CASP1: variants seen among roughly 807,000 people sequenced by gnomAD.
CASP1 encodes caspase 1.
CASP1 carries 31 observed loss-of-function variants against 41.2 expected under a neutral mutation model. The ratio of observed to expected loss-of-function variants is 0.75; its 90% confidence interval spans 0.57 to 1.02. The LOEUF is 1.02. CASP1 is among the 50% of genes least tolerant of loss of function. The pLI is 0.00. For synonymous variants in CASP1, 163 were observed against 166.5 expected (o/e 0.98, Z 0.16); for missense variants, 490 against 495.7 (o/e 0.99, Z 0.11).
intron 6 of CASP1, 63 bp from the exon 7 acceptor site, chr11:105,029,330 C>A: frequency 7.0e-7 from 1 of 1,420,042 alleles, no homozygotes; most frequent in Non-Finnish European, 9.7e-7. Flanking sequence ...TTCCTCCTAG[C>A]CTCTGTTCAA....
At position 105,025,699 on chromosome 11, in the gene CASP1, A is replaced by G. The variant is rs997286634; in HGVS notation, c.*559T>C. On this transcript the variant is annotated 3_prime_UTR_variant, in exon 9 of 9. Transcript: ENST00000533400. ...TATACCACCAATGGGAACATACACA[A>G]TTTTAAAAGGAAAGACCACATGCTA... is the stretch of plus-strand genomic sequence containing the variant. The G allele has an allele frequency of 6.3e-5, 21 of 335,500 alleles. No individual in the cohort carries two copies. The highest frequency in any genetic ancestry group is 4.7e-4 in the African/African-American group (21 of 45,124). 20.8% of individuals were successfully genotyped at this position (335,500 alleles called of 1,614,324 possible).
At chr11:105,027,034 G>A in intron 7 of CASP1, 83 bp from the exon 8 acceptor site, 1 of 814,078 alleles carries the variant, frequency 1.2e-6, no homozygotes, top group South Asian at 1.4e-5. Flanking sequence ...TACTCCAGCT[G>A]AGGGATGTTT....
rs753843714 is a variant in CASP1 at position 105,029,671 on chromosome 11, G to A, written c.856C>T (p.Arg286Cys). 2 of 1,611,524 alleles carry A rather than the reference G, an allele frequency of 1.2e-6. No individual in the cohort carries two copies. Among genetic ancestry groups the A allele is most frequent in the Admixed American group, 1.7e-5 (1 of 59,890 alleles). ...CAAAGGCATCAGCACTCACCACCAC[G>A]GCAGGCCTGGATGATGATCACCTTC... ...KPKVIIIQAC[R>C]GDSPGVVWFK... The change falls in exon 6 of 9, where the codon CGT (arginine) becomes TGT (cysteine). Residue 286 changes from arginine to cysteine, a missense_variant. Physicochemically the swap from Arg to Cys is radical, Grantham distance 180. Transcript: ENST00000533400.
chr11:105,026,572 T>C, intron 8 of CASP1: 2 of 601,008 alleles, frequency 3.3e-6, no homozygotes, highest in Non-Finnish European at 5.9e-6. Context: ...CTAATAGCCA[T>C]GAGAGACACA....
Position 105,026,836 on chromosome 11 carries a change from T to A in CASP1, c.1116+6A>T. On this transcript the variant is annotated splice_donor_region_variant and intron_variant, in intron 8 of 8. Transcript: ENST00000533400. The stretch of plus-strand genomic sequence containing the variant: ...AGAGTGAAAATAGCATCCACTAGCA[T>A]CTTACCTTGCGGAAAATTTCCTCCA... 6.8e-7 allele frequency: 1 copy of A among 1,460,942 alleles called. No homozygotes were observed. Among genetic ancestry groups the A allele is most frequent in the Non-Finnish European group, 9.6e-7 (1 of 1,040,572 alleles). The allele number at this position is 1,460,942 out of a possible 1,614,324, so 90.5% of individuals were successfully genotyped here.
Position 105,029,881 on chromosome 11 carries a change from C to T in CASP1, c.646G>A (p.Glu216Lys). The T allele has an allele frequency of 1.2e-6, 2 of 1,613,208 alleles. No homozygotes were observed. Among genetic ancestry groups the T allele is most frequent in the African/African-American group, 1.3e-5 (1 of 74,990 alleles). The change falls in exon 6 of 9, where the codon GAG (glutamate) becomes AAG (lysine). Residue 216 changes from glutamate to lysine, a missense_variant. Coordinates refer to ENST00000533400, the MANE Select transcript of CASP1 (RefSeq NM_001257118.3). ...TGCTCTGGGCGGTGTGCAAATGCCT[C>T]CAGCTCTGTAGTCATGTCCTGAAAG... ...LTASDMTTELEAFAHRPEHKT... is the reference protein window; with the variant it reads ...LTASDMTTELKAFAHRPEHKT...
At chr11:105,034,981 C>A in intron 1 of CASP1, 126 bp downstream of exon 1, 2 of 1,222,628 alleles carry the variant, frequency 1.6e-6, no homozygotes. Context: ...TCCTCCCTCT[C>A]CCCCCTTTTC....
In CASP1 at chr11:105,034,229, C is replaced by G. The variant is rs554380065; in HGVS notation, c.253G>C (p.Gly85Arg). 1 of 1,614,100 alleles carries G rather than the reference C, an allele frequency of 6.2e-7. No individual in the cohort carries two copies. Among genetic ancestry groups the G allele is most frequent in the East Asian group, 2.2e-5 (1 of 44,878 alleles). ...YICEEDSYLAGTLGLSADQTS... is the reference protein window; with the variant it reads ...YICEEDSYLARTLGLSADQTS... The stretch of plus-strand genomic sequence containing the variant: ...TTACCTGCTGAGAGTCCCAGCGTCC[C>G]TGCCAGGTAACTGTCTTCTTCACAA... Residue 85 changes from glycine (G) to arginine (R), a missense_variant, in exon 2 of 9, where the codon GGG becomes CGG. Coordinates refer to ENST00000533400, the MANE Select transcript of CASP1 (RefSeq NM_001257118.3).
chr11:105,033,676 G>A (rs1455525634), intron 2 of CASP1, among the ~76,000 whole-genome samples: 1 of 152,226 alleles, frequency 6.6e-6, no homozygotes, highest in Non-Finnish European at 1.5e-5. Context: ...GGCAACTGGA[G>A]GAATGAGCCC....
At position 105,029,118 on chromosome 11, in the gene CASP1, T is replaced by C. The variant is rs1360700646; in HGVS notation, c.1006+6A>G. On this transcript the variant is annotated splice_donor_region_variant and intron_variant, in intron 7 of 8. Coordinates refer to ENST00000533400, the MANE Select transcript of CASP1 (RefSeq NM_001257118.3). ...AACAAAGATGTCCTGTGTAGAAACC[T>C]GTTACCTGGTGTGGAAGAGCAGAAA... 19 of 1,611,858 alleles carry C rather than the reference T, an allele frequency of 1.2e-5. No homozygotes were observed. Among genetic ancestry groups the C allele is most frequent in the Non-Finnish European group, 1.5e-5 (18 of 1,178,928 alleles).
rs1282012366 is a variant in CASP1 at position 105,029,200 on chromosome 11, T to C, written c.930A>G (p.Thr310=). Residue 310 remains threonine, a synonymous_variant, in exon 7 of 9, where the codon ACA becomes ACG. Coordinates refer to ENST00000533400, the MANE Select transcript of CASP1 (RefSeq NM_001257118.3). ...GVSGNLSLPT[T]EEFEDDAIKK... is the part of the protein sequence containing the mutation. ...TAATAGCATCATCCTCAAACTCTTCTGTAGTTGGTAAAGATAGGTTTCCAG... is the reference window on the plus strand; with the variant it reads ...TAATAGCATCATCCTCAAACTCTTCCGTAGTTGGTAAAGATAGGTTTCCAG... 15 of 1,613,100 alleles carry C rather than the reference T, an allele frequency of 9.3e-6. No individual in the cohort carries two copies. The highest frequency in any genetic ancestry group is 1.3e-5 in the Non-Finnish European group (15 of 1,179,398).
intron 3 of CASP1, among the ~76,000 whole-genome samples, chr11:105,032,562 T>C (rs1031585291): frequency 3.2e-4 from 48 of 152,158 alleles, no homozygotes; most frequent in Middle Eastern, 3.4e-3. Context: ...GAAGTAGAAA[T>C]AGAGAGATGG....
chr11:105,028,034 G>A (rs529857111), intron 7 of CASP1, among the ~76,000 whole-genome samples: 2 of 152,170 alleles, frequency 1.3e-5, no homozygotes, highest in South Asian at 2.1e-4. Context: ...CTTAGAGAGC[G>A]GTGAATGTCA....
Position 105,029,164 on chromosome 11 carries a change from G to A in CASP1, c.966C>T (p.His322=), listed in dbSNP as rs191994867. 32 of 1,613,286 alleles carry A rather than the reference G, an allele frequency of 2.0e-5. No individual in the cohort carries two copies. The Admixed American group carries it at 5.0e-4, about 25-fold the overall frequency. ...AGAAAGCGATAAAATCCTTCTCTAT[G>A]TGGGCTTTCTTAATAGCATCATCCT... ...EFEDDAIKKA[H]IEKDFIAFCS... The change falls in exon 7 of 9, where the codon CAC becomes CAT. Residue 322 remains histidine (H), a synonymous_variant. Coordinates refer to ENST00000533400, the MANE Select transcript of CASP1 (RefSeq NM_001257118.3).
chr11:105,026,103 G>A lies in CASP1; in HGVS notation c.*155C>T. 2 of 545,904 alleles carry A rather than the reference G, an allele frequency of 3.7e-6. No individual in the cohort carries two copies. Among genetic ancestry groups the A allele is most frequent in the East Asian group, 2.9e-5 (1 of 34,886 alleles). The allele number at this position is 545,904 out of a possible 1,614,324, so 33.8% of individuals were successfully genotyped here. ...CGCTCACACAGTGTTGGATTTTAGAGCATTTCAAAATTCAAATTTTTGGAT... is the reference window on the plus strand; with the variant it reads ...CGCTCACACAGTGTTGGATTTTAGAACATTTCAAAATTCAAATTTTTGGAT... On this transcript the variant is annotated 3_prime_UTR_variant, in exon 9 of 9. Transcript: ENST00000533400.
intron 2 of CASP1, among the ~76,000 whole-genome samples, chr11:105,033,583 G>T (rs971447485): frequency 6.6e-6 from 1 of 152,148 alleles, no homozygotes; most frequent in Non-Finnish European, 1.5e-5. Flanking sequence ...AGGGTTGCAA[G>T]TGGAGGATTT....
At chr11:105,028,995 G>A (rs1250229687) in intron 7 of CASP1, 129 bp downstream of exon 7, 4 of 786,234 alleles carry the variant, frequency 5.1e-6, no homozygotes, top group South Asian at 1.9e-5. Flanking sequence ...TTGGATAAAG[G>A]GAATTCTGTG....
At chr11:105,026,579 C>T (rs1863303130) in intron 8 of CASP1, 2 of 600,038 alleles carry the variant, frequency 3.3e-6, no homozygotes, top group South Asian at 2.1e-5. Context: ...CCATGAGAGA[C>T]ACAGGTAAAT....
At chr11:105,035,159 C>T (rs1565229175), upstream of CASP1, 5 of 1,613,558 alleles carry the variant, frequency 3.1e-6, no homozygotes, top group East Asian at 2.2e-5. Flanking sequence ...TGAAAGTATG[C>T]TTCGCCTTCC....
Sources: allele counts gnomAD v4.1 joint callset (sites outside exome capture counted in the v4.1 genomes callset), GRCh38; gene constraint gnomAD v4.1.1; transcripts MANE v1.5; gene names NCBI Gene and HGNC (gene_info 2026-07-23, HGNC 2026-07-21).